The following CTNNA3 variants were observed in gnomAD, a reference collection of about 807,000 sequenced individuals.
CTNNA3 encodes catenin alpha-3.
In CTNNA3, 76 loss-of-function variants were observed where a neutral mutation model predicts 95.7. The observed-to-expected ratio is 0.79, with a 90% confidence interval of 0.66 to 0.96. CTNNA3 has a LOEUF of 0.96. CTNNA3 is among the 40% of genes least tolerant of loss of function. The probability of loss-of-function intolerance (pLI) is 0.00; values close to 1 mark genes in which losing one functional copy is unlikely to be tolerated. For missense variants in CTNNA3, 1,191 were observed against 1,089.8 expected (o/e 1.09, Z -1.31); for synonymous variants, 431 against 374.4 (o/e 1.15, Z -1.74).
At chr10:65,963,095 T>A (rs926054409) in intron 17 of CTNNA3, among the ~76,000 whole-genome samples, 2 of 152,198 alleles carry the variant, frequency 1.3e-5, no homozygotes, top group Non-Finnish European at 2.9e-5. Flanking sequence ...ATCACTGCTG[T>A]GTCTAAAAAA....
chr10:66,233,656 T>C (rs925700787), intron 13 of CTNNA3, among the ~76,000 whole-genome samples: 8 of 146,312 alleles, frequency 5.5e-5, no homozygotes, highest in African/African-American at 2.0e-4. Context: ...AGGACTGATA[T>C]CATTGAGTGT....
intron 15 of CTNNA3, among the ~76,000 whole-genome samples, chr10:66,012,568 T>C (rs543283235): frequency 7.2e-5 from 11 of 152,240 alleles, no homozygotes; most frequent in African/African-American, 2.4e-4. Context: ...AAAAAATACA[T>C]AATCATAGAT....
At chr10:66,233,514 T>G (rs2089694910) in intron 13 of CTNNA3, among the ~76,000 whole-genome samples, 1 of 152,172 alleles carries the variant, frequency 6.6e-6, no homozygotes, top group South Asian at 2.1e-4. Context: ...GTGTCTTAAA[T>G]AGGTACTTTA....
chr10:66,757,370 A>T (rs75731510), intron 9 of CTNNA3, among the ~76,000 whole-genome samples: 1 of 152,176 alleles, frequency 6.6e-6, no homozygotes, highest in East Asian at 1.9e-4. Context: ...CCTATTGAGG[A>T]TTAAGTAAGG....
chr10:66,581,864 A>G (rs558383851), intron 10 of CTNNA3, among the ~76,000 whole-genome samples: 17 of 151,780 alleles, frequency 1.1e-4, no homozygotes, highest in Admixed American at 6.6e-4. Flanking sequence ...TCTTTCTTCT[A>G]CATGTGACTA....
chr10:67,249,498 T>C, intron 5 of CTNNA3, among the ~76,000 whole-genome samples: 1 of 152,204 alleles, frequency 6.6e-6, no homozygotes, highest in East Asian at 1.9e-4. Context: ...ACTGTGACTT[T>C]AAGCAAAACA....
At chr10:67,538,690 C>A (rs1284032846) in intron 4 of CTNNA3, among the ~76,000 whole-genome samples, 2 of 151,956 alleles carry the variant, frequency 1.3e-5, no homozygotes, top group African/African-American at 4.8e-5. Flanking sequence ...TCAAATAAGA[C>A]CATTGCTTAC....
chr10:66,167,151 A>G (rs1168175635), intron 13 of CTNNA3, among the ~76,000 whole-genome samples: 11 of 152,182 alleles, frequency 7.2e-5, no homozygotes, highest in Non-Finnish European at 7.3e-5. Context: ...AATAAGAGAA[A>G]GGGACATAGG....
At chr10:67,439,053 G>C (rs1846404735) in intron 5 of CTNNA3, among the ~76,000 whole-genome samples, 1 of 152,122 alleles carries the variant, frequency 6.6e-6, no homozygotes, top group Non-Finnish European at 1.5e-5. Context: ...ACATGACCTA[G>C]GGACAGAGTG....
chr10:67,136,141 G>C, intron 7 of CTNNA3, among the ~76,000 whole-genome samples: 1 of 151,848 alleles, frequency 6.6e-6, no homozygotes, highest in East Asian at 1.9e-4. Context: ...TTTTTGTTTG[G>C]TTATCTGTTC....
At chr10:67,182,238 T>A (rs1044641148) in intron 6 of CTNNA3, among the ~76,000 whole-genome samples, 1 of 152,078 alleles carries the variant, frequency 6.6e-6, no homozygotes, top group African/African-American at 2.4e-5. Flanking sequence ...AGCAAGTCAA[T>A]CCTAAGCCAA....
At chr10:67,077,656 T>C (rs536851436) in intron 7 of CTNNA3, among the ~76,000 whole-genome samples, 3 of 152,338 alleles carry the variant, frequency 2.0e-5, no homozygotes, top group East Asian at 3.9e-4. Flanking sequence ...ATTTTTCCTC[T>C]GTAACCAACA....
chr10:67,473,028 C>T (rs924520587), intron 5 of CTNNA3, among the ~76,000 whole-genome samples: 20 of 152,226 alleles, frequency 1.3e-4, no homozygotes, highest in Non-Finnish European at 2.4e-4. Context: ...CTCTCTCCTC[C>T]TATACCTAGT....
intron 10 of CTNNA3, among the ~76,000 whole-genome samples, chr10:66,572,874 A>G (rs1842910341): frequency 1.3e-5 from 2 of 152,074 alleles, no homozygotes; most frequent in South Asian, 4.1e-4. Context: ...GTGTGTGCAA[A>G]TATCAGTCTT....
At chr10:66,618,794 T>C (rs1310330870) in intron 10 of CTNNA3, among the ~76,000 whole-genome samples, 2 of 151,322 alleles carry the variant, frequency 1.3e-5, no homozygotes, top group African/African-American at 4.9e-5. Flanking sequence ...TGGGAGAAAA[T>C]TTTCACAACC....
intron 3 of CTNNA3, among the ~76,000 whole-genome samples, chr10:67,540,755 A>C (rs1052152703): frequency 6.6e-6 from 1 of 152,000 alleles, no homozygotes; most frequent in East Asian, 1.9e-4. Context: ...TTTAGCAAGT[A>C]GTATCCTACT....
In CTNNA3 at chr10:66,390,956, G is replaced by A. The variant is rs376103186; in HGVS notation, c.1532-11604C>T. Among the ~76,000 whole-genome samples the A allele has an allele frequency of 4.6e-4, 70 of 152,080 alleles. 1 individual carries two copies. The South Asian group carries it at 0.014, about 31-fold the overall frequency. On this transcript the variant is annotated intron_variant, in intron 11 of 17. Coordinates refer to ENST00000433211, the MANE Select transcript of CTNNA3 (RefSeq NM_013266.4). ...TTAATATATGTTAGAAAATGTAGAC[G>A]ATATAAAAGATAAAGTACAGTCCCT...
chr10:66,477,594 C>G (rs1839372616), intron 11 of CTNNA3, among the ~76,000 whole-genome samples: 1 of 151,978 alleles, frequency 6.6e-6, no homozygotes, highest in South Asian at 2.1e-4. Context: ...AATATGAATG[C>G]ATTCTACAAC....
At chr10:67,265,954 C>T (rs1243242625) in intron 5 of CTNNA3, among the ~76,000 whole-genome samples, 3 of 152,104 alleles carry the variant, frequency 2.0e-5, no homozygotes, top group African/African-American at 7.2e-5. Flanking sequence ...ATCGACAAGG[C>T]CTAGAAACAG....
Sources: allele counts gnomAD v4.1 joint callset (sites outside exome capture counted in the v4.1 genomes callset), GRCh38; gene constraint gnomAD v4.1.1; transcripts MANE v1.5; gene names NCBI Gene and HGNC (gene_info 2026-07-23, HGNC 2026-07-21).